The following AP3B1 variants were observed in gnomAD, a reference collection of about 807,000 sequenced individuals.
The protein encoded by AP3B1 is adaptor related protein complex 3 subunit beta 1.
Under a neutral mutation model 132.5 loss-of-function variants are expected in AP3B1, and 61 were observed. That is an observed-to-expected ratio of 0.46 (90% CI 0.37 to 0.57). AP3B1 has a LOEUF of 0.57. Ranked by LOEUF, AP3B1 falls within the 20% of genes least tolerant of loss-of-function variation. The pLI, the probability that AP3B1 is intolerant of heterozygous loss-of-function variation, is 0.00. For synonymous variants in AP3B1, 388 were observed against 438.3 expected, an observed-to-expected ratio of 0.89 and a Z score of 1.43; for missense variants, 1,120 against 1,289.4, an observed-to-expected ratio of 0.87 and a Z score of 2.01.
chr5:78,085,151 C>T (rs993180319), intron 22 of AP3B1, among the ~76,000 whole-genome samples: 1 of 152,128 alleles, frequency 6.6e-6, no homozygotes, highest in Admixed American at 6.6e-5. Flanking sequence ...GCCCAACTGC[C>T]ATCCAGAATG....
At chr5:78,047,953 T>C (rs1288144678) in intron 22 of AP3B1, among the ~76,000 whole-genome samples, 4 of 152,334 alleles carry the variant, frequency 2.6e-5, no homozygotes, top group Admixed American at 6.5e-5. Flanking sequence ...AGCCGCTTAT[T>C]TCAAACAGCT....
At chr5:78,165,549 T>C in intron 12 of AP3B1, 61 bp downstream of exon 12, 1 of 1,098,076 alleles carries the variant, frequency 9.1e-7, no homozygotes, top group Non-Finnish European at 1.4e-6. Context: ...TAGAAAAAGA[T>C]GCATATTTAA....
At chr5:78,292,400 C>T (rs1749562983) in intron 1 of AP3B1, among the ~76,000 whole-genome samples, 1 of 152,134 alleles carries the variant, frequency 6.6e-6, no homozygotes, top group South Asian at 2.1e-4. Context: ...AAGTTTTAAA[C>T]TTTTTGTGAG....
At chr5:78,106,727 A>G (rs1432474075) in intron 20 of AP3B1, among the ~76,000 whole-genome samples, 2 of 152,118 alleles carry the variant, frequency 1.3e-5, no homozygotes, top group African/African-American at 4.8e-5. Flanking sequence ...GACATGAGAA[A>G]TAACGCACAG....
chr5:78,042,606 G>T, intron 22 of AP3B1: 1 of 196,732 alleles, frequency 5.1e-6, no homozygotes, highest in South Asian at 1.2e-4. Context: ...CCACCTCAGA[G>T]AACAGCTCAA....
chr5:78,096,613 T>C (rs1207232585), intron 21 of AP3B1, among the ~76,000 whole-genome samples: 9 of 139,916 alleles, frequency 6.4e-5, no homozygotes, highest in Non-Finnish European at 1.1e-4. Context: ...GGGAGCGCCT[T>C]TGCCCCGCCG....
chr5:78,241,839 A>G lies in AP3B1; in HGVS notation c.205-903T>C, dbSNP rs114095910. On this transcript the variant is annotated intron_variant, in intron 2 of 26. Coordinates refer to ENST00000255194, the MANE Select transcript of AP3B1 (RefSeq NM_003664.5). The stretch of plus-strand genomic sequence containing the variant: ...CTTTCATGACAAAATGGCATTCATG[A>G]TAAAATGACATTCATGATAGAATTT... 2.0e-3 allele frequency among the ~76,000 whole-genome samples: 299 copies of G among 152,354 alleles called. 1 individual carries two copies. The highest frequency in any genetic ancestry group is 3.4e-3 in the Non-Finnish European group (234 of 68,032).
chr5:78,207,129 G>T (rs1745539372), intron 7 of AP3B1, among the ~76,000 whole-genome samples: 1 of 151,708 alleles, frequency 6.6e-6, no homozygotes, highest in South Asian at 2.1e-4. Context: ...GTGGTGGCAG[G>T]CACCTGTAAT....
intron 22 of AP3B1, chr5:78,043,233 GA>G: frequency 6.4e-6 from 1 of 156,638 alleles, no homozygotes; most frequent in Non-Finnish European, 1.4e-5. Context: ...CCTCCTGGTG[GA>G]TCCTCCCACT....
At chr5:78,119,838 A>G (rs1229830107) in intron 17 of AP3B1, among the ~76,000 whole-genome samples, 1 of 152,174 alleles carries the variant, frequency 6.6e-6, no homozygotes, top group Non-Finnish European at 1.5e-5. Flanking sequence ...AAATACAGAG[A>G]ACGCCACAAA....
At chr5:78,180,818 T>C (rs1019536680) in intron 8 of AP3B1, among the ~76,000 whole-genome samples, 2 of 152,012 alleles carry the variant, frequency 1.3e-5, no homozygotes, top group Admixed American at 6.6e-5. Context: ...TTTCTGAGTG[T>C]TGAGAATGTG....
Position 78,285,706 on chromosome 5 carries a change from G to C in AP3B1, c.128+8746C>G, listed in dbSNP as rs556996413. Among the ~76,000 whole-genome samples, 9 of 152,106 alleles carry C rather than the reference G, an allele frequency of 5.9e-5. No individual in the cohort carries two copies. The East Asian group carries it at 1.7e-3, about 29-fold the overall frequency. On this transcript the variant is annotated intron_variant, in intron 1 of 26. Coordinates refer to ENST00000255194, the MANE Select transcript of AP3B1 (RefSeq NM_003664.5). ...TCTTTGCACAATATTCTTCATTTTA[G>C]TTGACAGCTATTCCAAACTTCGAGC...
At chr5:78,257,625 C>T (rs1453645861) in intron 2 of AP3B1, among the ~76,000 whole-genome samples, 2 of 152,184 alleles carry the variant, frequency 1.3e-5, no homozygotes, top group African/African-American at 2.4e-5. Flanking sequence ...AATGCAATGC[C>T]TATCAAAATA....
At chr5:78,029,193 T>C (rs1747465299) in intron 24 of AP3B1, among the ~76,000 whole-genome samples, 1 of 152,208 alleles carries the variant, frequency 6.6e-6, no homozygotes, top group African/African-American at 2.4e-5. Context: ...ATACTATGAT[T>C]ATGGCTTTGA....
chr5:78,227,713 A>C (rs1746457876), intron 4 of AP3B1, among the ~76,000 whole-genome samples, 181 bp from the exon 5 acceptor site: 1 of 152,194 alleles, frequency 6.6e-6, no homozygotes, highest in Admixed American at 6.5e-5. Flanking sequence ...ATAAATGTTT[A>C]CTTCTTTAAT....
chr5:78,268,448 G>T (rs1748419549), intron 1 of AP3B1, among the ~76,000 whole-genome samples: 1 of 152,062 alleles, frequency 6.6e-6, no homozygotes, highest in Admixed American at 6.6e-5. Flanking sequence ...AGGAAATGTG[G>T]TCACACATAC....
At chr5:78,079,503 G>A (rs1335850223) in intron 22 of AP3B1, among the ~76,000 whole-genome samples, 1 of 151,996 alleles carries the variant, frequency 6.6e-6, no homozygotes, top group Admixed American at 6.5e-5. Flanking sequence ...ATTCTAAGGA[G>A]TTTACCACAT....
rs918624052 is a variant in AP3B1, at chr5:78,002,810, T to C, written c.*92A>G. ...AGTGTATTCTACCCCCACTGCCAGA[T>C]GGAAGGGCTATTATTATAAATGAAA... On this transcript the variant is annotated 3_prime_UTR_variant, in exon 27 of 27. Coordinates refer to ENST00000255194, the MANE Select transcript of AP3B1 (RefSeq NM_003664.5). The C allele has an allele frequency of 3.5e-6, 5 of 1,427,188 alleles. No homozygotes were observed. In the African/African-American group the frequency reaches 5.6e-5, roughly 16 times the overall value. 88.4% of individuals were successfully genotyped at this position (1,427,188 alleles called of 1,614,324 possible).
chr5:78,096,964 A>C, intron 21 of AP3B1, among the ~76,000 whole-genome samples: 1 of 132,342 alleles, frequency 7.6e-6, no homozygotes, highest in Admixed American at 7.3e-5. Context: ...CCTACTGGGA[A>C]GTGAGGAGTC....
Sources: allele counts gnomAD v4.1 joint callset (sites outside exome capture counted in the v4.1 genomes callset), GRCh38; gene constraint gnomAD v4.1.1; transcripts MANE v1.5; gene names NCBI Gene and HGNC (gene_info 2026-07-23, HGNC 2026-07-21).